F3: variants seen among roughly 807,000 people sequenced by gnomAD.
F3 encodes the protein coagulation factor III, tissue factor, also known as tissue factor.
In F3, 18 loss-of-function variants were observed where a neutral mutation model predicts 33.5. That is an observed-to-expected ratio of 0.54 (90% CI 0.37 to 0.80). F3 has a LOEUF of 0.80. Ranked by LOEUF, F3 falls within the 30% of genes least tolerant of loss-of-function variation. The pLI, the probability that F3 is intolerant of heterozygous loss-of-function variation, is 0.00. For synonymous variants in F3, 147 were observed against 140.7 expected, an observed-to-expected ratio of 1.05 and a Z score of -0.32; for missense variants, 353 against 362.1, an observed-to-expected ratio of 0.97 and a Z score of 0.20.
intron 2 of F3, among the ~76,000 whole-genome samples, chr1:94,537,928 G>A (rs1004229952): frequency 9.2e-5 from 14 of 152,184 alleles, no homozygotes; most frequent in South Asian, 2.1e-4. Flanking sequence ...ACAGGAGAAA[G>A]TCTCCTAGGG....
At chr1:94,533,372 CAT>C (rs1472240082) in intron 3 of F3, 104 bp from the exon 4 acceptor site, 4 of 1,368,864 alleles carry the variant, frequency 2.9e-6, no homozygotes, top group East Asian at 2.3e-5. Context: ...TCATATAAAA[CAT>C]GTGCATAGAA....
chr1:94,537,818 G>C (rs190432680), intron 2 of F3, among the ~76,000 whole-genome samples: 2 of 152,122 alleles, frequency 1.3e-5, no homozygotes, highest in Admixed American at 6.5e-5. Context: ...TTTTGTTCCC[G>C]AATGACCAAA....
Position 94,540,289 on chromosome 1 carries a change from TTTGGGTTC to T in F3, c.172_179del (p.Glu58ThrfsTer13). On this transcript the variant is annotated frameshift_variant, in exon 2 of 6. Coordinates refer to ENST00000334047, the MANE Select transcript of F3 (RefSeq NM_001993.5). LOFTEE classifies it high-confidence loss of function. ...GAACAGTGTAGACTTGATTGACGGG[TTTGGGTTC>T]CCACTCCAAAATTGTCTTGAAATTA... is the stretch of plus-strand genomic sequence containing the variant. The T allele has an allele frequency of 6.2e-7, 1 of 1,613,698 alleles. No individual in the cohort carries two copies. Among genetic ancestry groups the T allele is most frequent in the Non-Finnish European group, 8.5e-7 (1 of 1,179,760 alleles).
chr1:94,539,754 C>T (rs1267545107), intron 2 of F3, among the ~76,000 whole-genome samples: 1 of 152,136 alleles, frequency 6.6e-6, no homozygotes, highest in African/African-American at 2.4e-5. Context: ...CGCATTTGGC[C>T]TCCTCCACTA....
Position 94,533,171 on chromosome 1 carries a change from G to A in F3, c.510C>T (p.Asn170=), listed in dbSNP as rs1275763530. 2 of 1,614,030 alleles carry A rather than the reference G, an allele frequency of 1.2e-6. No individual in the cohort carries two copies. The highest frequency in any genetic ancestry group is 4.5e-5 in the East Asian group (2 of 44,890). ...AAACATCCCGGAGGCTTAGGAAAGT[G>A]TTGTTCCTTCTGACTAAAGTCCGTT... is the stretch of plus-strand genomic sequence containing the variant. ...EDERTLVRRN[N]TFLSLRDVFG... is the part of the protein sequence containing the mutation. Residue 170 remains asparagine, a synonymous_variant, in exon 4 of 6, where the codon AAC becomes AAT. Coordinates refer to ENST00000334047, the MANE Select transcript of F3 (RefSeq NM_001993.5).
At chr1:94,540,492 AG>A in intron 1 of F3, 124 bp from the exon 2 acceptor site, 2 of 575,072 alleles carry the variant, frequency 3.5e-6, no homozygotes, top group East Asian at 3.0e-5. Flanking sequence ...CAACCACAAA[AG>A]CTTCATTAGT....
intron 2 of F3, among the ~76,000 whole-genome samples, chr1:94,538,727 T>C (rs191598920): frequency 2.0e-5 from 3 of 152,326 alleles, no homozygotes; most frequent in East Asian, 3.9e-4. Context: ...ATGACTGCTC[T>C]GGTCCTTTTT....
intron 1 of F3, 28 bp downstream of exon 1, chr1:94,541,509 C>CT: frequency 6.9e-7 from 1 of 1,443,762 alleles, no homozygotes; most frequent in South Asian, 1.3e-5. Context: ...TGGCGCGCCC[C>CT]GGGCTTCCAG....
chr1:94,533,503 A>G (rs1010704225), intron 3 of F3, among the ~76,000 whole-genome samples: 30 of 152,244 alleles, frequency 2.0e-4, no homozygotes, highest in Admixed American at 5.2e-4. Flanking sequence ...GTTTTCTAGT[A>G]GTCACATTAG....
chr1:94,541,688 G>A lies in F3; in HGVS notation c.-52C>T, dbSNP rs572490287. 1.1e-5 allele frequency: 14 copies of A among 1,254,168 alleles called. No homozygotes were observed. The South Asian group carries it at 2.6e-4, about 23-fold the overall frequency. 77.7% of individuals were successfully genotyped at this position (1,254,168 alleles called of 1,614,324 possible). A position where few individuals can be genotyped will look rare whatever the true frequency, so the allele number is the denominator to read the frequency against. On this transcript the variant is annotated 5_prime_UTR_variant, in exon 1 of 6. Coordinates refer to ENST00000334047, the MANE Select transcript of F3 (RefSeq NM_001993.5). Reference sequence around the variant, plus strand: ...CGGGTTCCGTGGCGCCCGTGGGGCTGGGGAGGTTGGGCTGAAGGCGCCCTG... The same window carrying A: ...CGGGTTCCGTGGCGCCCGTGGGGCTAGGGAGGTTGGGCTGAAGGCGCCCTG...
At position 94,529,748 on chromosome 1, in the gene F3, TTACTTTCC is replaced by T. The variant is rs1174014051; in HGVS notation, c.*704_*711del. ...GAAATGCACCCAATTTCCTTCCATT[TTACTTTCC>T]TACATGGATTGAAGTCAGCCCCTCA... On this transcript the variant is annotated 3_prime_UTR_variant, in exon 6 of 6. Transcript: ENST00000334047. 15 of 152,264 alleles carry T rather than the reference TTACTTTCC, an allele frequency of 9.9e-5. No individual in the cohort carries two copies. Among genetic ancestry groups the T allele is most frequent in the Middle Eastern group, 3.4e-3 (1 of 294 alleles). The allele number at this position is 152,264 out of a possible 1,614,324, so 9.4% of individuals were successfully genotyped here.
chr1:94,541,559 G>T lies in F3; in HGVS notation c.78C>A (p.Phe26Leu). ...CACCTGAAGCGCCGGCCACCTGGGC[G>T]AAGACCCAGCCGAGCAGGAGCGTCC... ...VARTLLLGWV[F>L]AQVAGASGTT... The change falls in exon 1 of 6, where the codon TTC becomes TTA. Residue 26 changes from phenylalanine (F) to leucine (L), a missense_variant. Transcript: ENST00000334047. 1 of 1,504,598 alleles carries T rather than the reference G, an allele frequency of 6.6e-7. No homozygotes were observed. Among genetic ancestry groups the T allele is most frequent in the East Asian group, 2.8e-5 (1 of 36,084 alleles). 93.2% of individuals were successfully genotyped at this position (1,504,598 alleles called of 1,614,324 possible).
intron 5 of F3, 90 bp downstream of exon 5, chr1:94,532,231 G>GTA: frequency 8.0e-7 from 1 of 1,254,084 alleles, no homozygotes; most frequent in South Asian, 1.6e-5. Flanking sequence ...AACCAAGGAA[G>GTA]TATATCCCAG....
At chr1:94,540,120 G>A (rs924654483) in intron 2 of F3, 137 bp downstream of exon 2, 23 of 671,344 alleles carry the variant, frequency 3.4e-5, no homozygotes, top group East Asian at 5.5e-5. Context: ...ACCGGCCAGC[G>A]AATTGCCAAG....
In F3 at chr1:94,532,513, GCT is replaced by G. The variant is rs759930850; in HGVS notation, c.592-35_592-34del. 5.6e-6 allele frequency: 9 copies of G among 1,608,234 alleles called. No individual in the cohort carries two copies. In the South Asian group the frequency reaches 7.8e-5, roughly 14 times the overall value. Reference sequence around the variant, plus strand: ...AAGATAGAGTTCTTAATTCATCTGGGCTCTGAGTCAATTCTTTCCCCTTTATT... The same window carrying G: ...AAGATAGAGTTCTTAATTCATCTGGGCTGAGTCAATTCTTTCCCCTTTATT... On this transcript the variant is annotated intron_variant, in intron 4 of 5. Coordinates refer to ENST00000334047, the MANE Select transcript of F3 (RefSeq NM_001993.5).
intron 2 of F3, among the ~76,000 whole-genome samples, chr1:94,537,263 G>A (rs185950319): frequency 3.0e-4 from 45 of 152,274 alleles, no homozygotes; most frequent in Admixed American, 1.6e-3. Flanking sequence ...TAGGTGAAGC[G>A]TCACTGCAAC....
At position 94,533,252 on chromosome 1, in the gene F3, T is replaced by C; in HGVS notation, c.429A>G (p.Pro143=). The C allele has an allele frequency of 6.2e-7, 1 of 1,612,568 alleles. No homozygotes were observed. The highest frequency in any genetic ancestry group is 8.5e-7 in the Non-Finnish European group (1 of 1,179,730). Residue 143 remains proline, a synonymous_variant, in exon 4 of 6, where the codon CCA becomes CCG. Transcript: ENST00000334047. ...CCACCTGTTCAAAACTCTGAATTGT[T>C]GGCTGTCCGAGGTTTGCTGAAACAA... ...TPYLETNLGQ[P]TIQSFEQVGT...
In F3 at chr1:94,532,440, A is replaced by T; in HGVS notation, c.632T>A (p.Val211Glu). The change falls in exon 5 of 6, where the codon GTG (valine) becomes GAG (glutamate). Residue 211 changes from valine to glutamate, a missense_variant. Coordinates refer to ENST00000334047, the MANE Select transcript of F3 (RefSeq NM_001993.5). The stretch of plus-strand genomic sequence containing the variant: ...GAAACAGTAGTTTTCTCCTTTATCC[A>T]CATCAATCAAAAACTCATTAGTGTT... The part of the protein sequence containing the change: ...KTNTNEFLID[V>E]DKGENYCFSV... The T allele has an allele frequency of 6.2e-7, 1 of 1,614,080 alleles. No homozygotes were observed. The highest frequency in any genetic ancestry group is 8.5e-7 in the Non-Finnish European group (1 of 1,180,014).
Position 94,533,252 on chromosome 1 carries a change from T to A in F3, c.429A>T (p.Pro143=), listed in dbSNP as rs201862312. ...CCACCTGTTCAAAACTCTGAATTGT[T>A]GGCTGTCCGAGGTTTGCTGAAACAA... ...TPYLETNLGQ[P]TIQSFEQVGT... Residue 143 remains proline (P), a synonymous_variant, in exon 4 of 6, where the codon CCA becomes CCT. Transcript: ENST00000334047. 1 of 1,612,568 alleles carries A rather than the reference T, an allele frequency of 6.2e-7. No individual in the cohort carries two copies. The highest frequency in any genetic ancestry group is 1.7e-5 in the Admixed American group (1 of 59,668).
Sources: gnomAD v4.1 joint callset for allele counts (sites outside exome capture counted in the v4.1 genomes callset) on GRCh38, gnomAD v4.1.1 for gene constraint, MANE v1.5 for transcripts, NCBI Gene and HGNC (gene_info 2026-07-23, HGNC 2026-07-21) for gene names.